Variants in KCND2 observed in about 807,000 individuals in gnomAD.
KCND2 encodes A-type voltage-gated potassium channel KCND2.
KCND2 carries 16 observed loss-of-function variants against 54.4 expected under a neutral mutation model. The observed-to-expected ratio is 0.29, with a 90% CI of 0.20 to 0.45. The LOEUF is 0.45. KCND2 is among the 20% of genes least tolerant of loss of function. The probability of loss-of-function intolerance (pLI) is 1.00; values close to 1 mark genes in which losing one functional copy is unlikely to be tolerated. For missense variants in KCND2, 486 were observed against 824.2 expected (o/e 0.59, Z 5.02); for synonymous variants, 317 against 310.7 (o/e 1.02, Z -0.21).
At chr7:120,306,507 A>T (rs1799652810) in intron 1 of KCND2, among the ~76,000 whole-genome samples, 1 of 152,082 alleles carries the variant, frequency 6.6e-6, no homozygotes, top group African/African-American at 2.4e-5. Flanking sequence ...CCCAAAAATG[A>T]TTCTGGTCAC....
At chr7:120,310,020 T>C (rs1400589894) in intron 1 of KCND2, among the ~76,000 whole-genome samples, 1 of 152,210 alleles carries the variant, frequency 6.6e-6, no homozygotes, top group Non-Finnish European at 1.5e-5. Context: ...CTTCTTTGAT[T>C]CCTTTCCTGA....
chr7:120,383,531 A>G (rs1800941734), intron 1 of KCND2, among the ~76,000 whole-genome samples: 1 of 150,828 alleles, frequency 6.6e-6, no homozygotes, highest in Non-Finnish European at 1.5e-5. Context: ...AATATGTTCT[A>G]AAGTTTAGTC....
intron 1 of KCND2, among the ~76,000 whole-genome samples, chr7:120,348,265 A>G (rs545648525): frequency 1.3e-3 from 202 of 152,230 alleles, no homozygotes; most frequent in Non-Finnish European, 2.3e-3. Context: ...TTATAGATGA[A>G]TCTGGTTAGT....
chr7:120,603,896 A>C (rs114230886), intron 1 of KCND2, among the ~76,000 whole-genome samples: 95 of 152,276 alleles, frequency 6.2e-4, no homozygotes, highest in African/African-American at 2.2e-3. Flanking sequence ...AGATCTGACT[A>C]CTTTTTTTAA....
intron 1 of KCND2, among the ~76,000 whole-genome samples, chr7:120,531,352 C>CT (rs1325864313): frequency 6.6e-6 from 1 of 152,096 alleles, no homozygotes; most frequent in Non-Finnish European, 1.5e-5. Context: ...CCCTATTACT[C>CT]TTTCAATAGA....
chr7:120,547,499 T>TA (rs1458136045), intron 1 of KCND2, among the ~76,000 whole-genome samples: 1 of 151,936 alleles, frequency 6.6e-6, no homozygotes, highest in East Asian at 1.9e-4. Flanking sequence ...AACTCATAGA[T>TA]ATGTTTGTTG....
chr7:120,490,144 C>A, intron 1 of KCND2, among the ~76,000 whole-genome samples: 1 of 152,092 alleles, frequency 6.6e-6, no homozygotes, highest in East Asian at 1.9e-4. Flanking sequence ...ATATTACCAA[C>A]AAAAATCAGG....
chr7:120,517,019 G>A (rs1436140479), intron 1 of KCND2, among the ~76,000 whole-genome samples: 1 of 152,034 alleles, frequency 6.6e-6, no homozygotes, highest in Non-Finnish European at 1.5e-5. Context: ...ATTTGATCCA[G>A]TAAAATAATT....
At chr7:120,686,794 T>C (rs1275789029) in intron 1 of KCND2, among the ~76,000 whole-genome samples, 1 of 151,998 alleles carries the variant, frequency 6.6e-6, no homozygotes, top group East Asian at 1.9e-4. Flanking sequence ...TAGAAAAAGG[T>C]CATATACCAG....
intron 1 of KCND2, among the ~76,000 whole-genome samples, chr7:120,636,909 T>C (rs1793311765): frequency 6.6e-6 from 1 of 152,122 alleles, no homozygotes; most frequent in African/African-American, 2.4e-5. Flanking sequence ...GACAGATACT[T>C]TAAGGTTAGG....
intron 1 of KCND2, among the ~76,000 whole-genome samples, chr7:120,355,828 C>A (rs951394794): frequency 6.6e-6 from 1 of 152,112 alleles, no homozygotes; most frequent in African/African-American, 2.4e-5. Flanking sequence ...ATGTCGTCAT[C>A]GAAATTTGTT....
chr7:120,499,301 A>T (rs978368409), intron 1 of KCND2, among the ~76,000 whole-genome samples: 2 of 152,180 alleles, frequency 1.3e-5, no homozygotes, highest in African/African-American at 4.8e-5. Context: ...TTTATTGTAA[A>T]TAAATAATAG....
At chr7:120,283,569 T>A (rs1799297243) in intron 1 of KCND2, among the ~76,000 whole-genome samples, 2 of 152,164 alleles carry the variant, frequency 1.3e-5, no homozygotes, top group African/African-American at 4.8e-5. Context: ...AAATTGTTAC[T>A]AATAACACAA....
chr7:120,429,988 A>C (rs1801767032), intron 1 of KCND2, among the ~76,000 whole-genome samples: 1 of 152,234 alleles, frequency 6.6e-6, no homozygotes, highest in Non-Finnish European at 1.5e-5. Flanking sequence ...CCATTCAAAG[A>C]GAATGCTATA....
chr7:120,449,104 C>T (rs550227813), intron 1 of KCND2, among the ~76,000 whole-genome samples: 89 of 151,950 alleles, frequency 5.9e-4, no homozygotes, highest in African/African-American at 2.0e-3. Context: ...CCGAGGTGGG[C>T]GGATCACAAG....
At chr7:120,569,388 C>T (rs559974694) in intron 1 of KCND2, among the ~76,000 whole-genome samples, 1 of 152,246 alleles carries the variant, frequency 6.6e-6, no homozygotes, top group South Asian at 2.1e-4. Flanking sequence ...TCCTTACTTA[C>T]ATAAAGTAAA....
At position 120,456,093 on chromosome 7, in the gene KCND2, C is replaced by T. The variant is rs146432682; in HGVS notation, c.1115+180346C>T. Among the ~76,000 whole-genome samples, 15 of 152,104 alleles carry T rather than the reference C, an allele frequency of 9.9e-5. 1 individual carries two copies. In the East Asian group the frequency reaches 2.1e-3, roughly 22 times the overall value. ...CATGCAAAGCCTTCAAACCATGAAC[C>T]GTATAAAGAAGGTCAGCAGGCTCCT... On this transcript the variant is annotated intron_variant, in intron 1 of 5. Coordinates refer to ENST00000331113, the MANE Select transcript of KCND2 (RefSeq NM_012281.3).
chr7:120,377,966 T>C, intron 1 of KCND2, among the ~76,000 whole-genome samples: 1 of 151,976 alleles, frequency 6.6e-6, no homozygotes, highest in East Asian at 1.9e-4. Flanking sequence ...ATTAAATTAT[T>C]GGTTCATAAC....
intron 1 of KCND2, among the ~76,000 whole-genome samples, chr7:120,291,337 T>A (rs1338081610): frequency 9.2e-5 from 14 of 151,980 alleles, no homozygotes; most frequent in Non-Finnish European, 4.4e-5. Flanking sequence ...TCTGTGATAT[T>A]TGACATGGCA....
Sources: gnomAD v4.1 joint callset for allele counts (sites outside exome capture counted in the v4.1 genomes callset) on GRCh38, gnomAD v4.1.1 for gene constraint, MANE v1.5 for transcripts, NCBI Gene and HGNC (gene_info 2026-07-23, HGNC 2026-07-21) for gene names.